Variants in HYCC1 observed in about 807,000 individuals in gnomAD.
The protein encoded by HYCC1 is hyccin PI4KA lipid kinase complex subunit 1.
the HYCC1 span, among the ~76,000 whole-genome samples, chr7:22,906,507 G>A: frequency 6.6e-6 from 1 of 151,832 alleles, no homozygotes; most frequent in African/African-American, 2.4e-5. Flanking sequence ...GAACCTAGGA[G>A]GCTGAGGTTG....
At chr7:22,977,123 G>C in the HYCC1 span, among the ~76,000 whole-genome samples, 1 of 109,226 alleles carries the variant, frequency 9.2e-6, no homozygotes, top group African/African-American at 3.6e-5. Flanking sequence ...ATTTCAAAAA[G>C]AATACTTTCA....
At chr7:23,000,045 A>T in the HYCC1 span, among the ~76,000 whole-genome samples, 2 of 152,150 alleles carry the variant, frequency 1.3e-5, no homozygotes, top group East Asian at 3.9e-4. Flanking sequence ...ATACACAAAA[A>T]CTATCAACAC....
chr7:22,969,299 C>T, the HYCC1 span, among the ~76,000 whole-genome samples: 1 of 151,388 alleles, frequency 6.6e-6, no homozygotes, highest in African/African-American at 2.4e-5. Flanking sequence ...CCCAGCCTCC[C>T]ACACCGCACC....
the HYCC1 span, among the ~76,000 whole-genome samples, chr7:22,991,422 T>C: frequency 2.0e-5 from 3 of 152,112 alleles, no homozygotes. Flanking sequence ...TTTTCCCTAG[T>C]TTCAATAAAA....
the HYCC1 span, among the ~76,000 whole-genome samples, chr7:22,907,843 C>T: frequency 1.3e-5 from 2 of 152,128 alleles, no homozygotes; most frequent in African/African-American, 4.8e-5. Flanking sequence ...ACCCGGGAGG[C>T]GGAAGTTGCA....
chr7:23,009,492 T>C, the HYCC1 span, among the ~76,000 whole-genome samples: 1 of 152,176 alleles, frequency 6.6e-6, no homozygotes, highest in African/African-American at 2.4e-5. Flanking sequence ...ACTTCCTCTC[T>C]ATTTATGACC....
the HYCC1 span, among the ~76,000 whole-genome samples, chr7:22,959,897 T>A: frequency 6.6e-6 from 1 of 152,206 alleles, no homozygotes; most frequent in Admixed American, 6.5e-5. Context: ...ATTCACTTGC[T>A]TAAGAGTTCA....
At chr7:22,977,625 G>A in the HYCC1 span, among the ~76,000 whole-genome samples, 1 of 152,062 alleles carries the variant, frequency 6.6e-6, no homozygotes, top group Admixed American at 6.6e-5. Flanking sequence ...AAAAACATAT[G>A]TAACAAATTT....
the HYCC1 span, among the ~76,000 whole-genome samples, chr7:22,964,889 C>A: frequency 7.9e-4 from 121 of 152,216 alleles, no homozygotes; most frequent in African/African-American, 2.6e-3. Context: ...AATCTCAACA[C>A]TTTGGGAGGC....
the HYCC1 span, among the ~76,000 whole-genome samples, chr7:22,912,586 AGG>A: frequency 2.0e-5 from 3 of 152,200 alleles, no homozygotes; most frequent in Non-Finnish European, 4.4e-5. Flanking sequence ...TAGCAAGGAG[AGG>A]GAAGCCAAGA....
the HYCC1 span, among the ~76,000 whole-genome samples, chr7:22,923,135 T>C: frequency 6.6e-6 from 1 of 152,074 alleles, no homozygotes; most frequent in African/African-American, 2.4e-5. Context: ...CATGAAACCA[T>C]CTCAGGAATA....
chr7:22,927,500 G>T, the HYCC1 span, among the ~76,000 whole-genome samples: 1 of 152,092 alleles, frequency 6.6e-6, no homozygotes, highest in Non-Finnish European at 1.5e-5. Context: ...TGACAAAGGG[G>T]ATATCACCAC....
the HYCC1 span, among the ~76,000 whole-genome samples, chr7:22,946,511 G>A: frequency 6.6e-6 from 1 of 151,902 alleles, no homozygotes; most frequent in Admixed American, 6.6e-5. Flanking sequence ...CAGTAGCAAA[G>A]CAGTATAAAA....
the HYCC1 span, among the ~76,000 whole-genome samples, chr7:22,947,552 ATT>A: frequency 6.6e-6 from 1 of 152,040 alleles, no homozygotes; most frequent in African/African-American, 2.4e-5. Flanking sequence ...TCAAAATAAA[ATT>A]TGTTTTTAAA....
chr7:22,944,985 T>C, the HYCC1 span: 1 of 153,030 alleles, frequency 6.5e-6, no homozygotes, highest in Non-Finnish European at 1.5e-5. Flanking sequence ...TTCCAGGGCT[T>C]TGAGCAAATT....
chr7:22,949,389 T>C, the HYCC1 span, among the ~76,000 whole-genome samples: 8 of 152,174 alleles, frequency 5.3e-5, no homozygotes, highest in South Asian at 1.7e-3. Context: ...ATACTATAAA[T>C]ACTAACTCTA....
chr7:22,964,338 T>TTA, the HYCC1 span: 1 of 843,710 alleles, frequency 1.2e-6, no homozygotes, highest in Non-Finnish European at 2.1e-6. Flanking sequence ...GACATTATAA[T>TTA]ATAGTGACAA....
At chr7:22,958,774 G>A in the HYCC1 span, among the ~76,000 whole-genome samples, 1 of 152,058 alleles carries the variant, frequency 6.6e-6, no homozygotes, top group African/African-American at 2.4e-5. Context: ...ATACAAGGGA[G>A]CATCAATATT....
At chr7:23,009,876 A>G in the HYCC1 span, among the ~76,000 whole-genome samples, 2 of 152,180 alleles carry the variant, frequency 1.3e-5, no homozygotes, top group Admixed American at 1.3e-4. Context: ...CAAGTGTTAA[A>G]TGTTCTTTTT....
Sources: allele counts gnomAD v4.1 joint callset (sites outside exome capture counted in the v4.1 genomes callset), GRCh38; gene constraint gnomAD v4.1.1; transcripts MANE v1.5; gene names NCBI Gene and HGNC (gene_info 2026-07-23, HGNC 2026-07-21).